Variants in UBOX5 observed in about 807,000 individuals in gnomAD.
UBOX5 encodes the protein U-box domain containing 5, also known as RING finger protein 37.
Under a neutral mutation model 39.0 loss-of-function variants are expected in UBOX5, and 28 were observed. The ratio of observed to expected loss-of-function variants is 0.72; its 90% CI spans 0.53 to 0.98. The LOEUF (loss-of-function observed/expected upper bound fraction) is 0.98, where lower values mean the gene tolerates loss of function less well. Among genes scored for constraint, UBOX5 ranks in the 50% least tolerant of loss-of-function variants. The probability of loss-of-function intolerance (pLI) is 0.00; values close to 1 mark genes in which losing one functional copy is unlikely to be tolerated. For missense variants in UBOX5, 585 were observed against 674.4 expected, an observed-to-expected ratio of 0.87 and a Z score of 1.47; for synonymous variants, 283 against 275.5, an observed-to-expected ratio of 1.03 and a Z score of -0.27.
At chr20:3,142,528 C>T (rs1476543577) in intron 1 of UBOX5, among the ~76,000 whole-genome samples, 1 of 147,496 alleles carries the variant, frequency 6.8e-6, no homozygotes, top group Non-Finnish European at 1.5e-5. Flanking sequence ...CTCTTGAACC[C>T]GGGAGGTGGA....
intron 1 of UBOX5, chr20:3,151,594 C>T (rs988439902): frequency 6.6e-6 from 1 of 150,390 alleles, no homozygotes; most frequent in African/African-American, 2.5e-5. Context: ...TTGAGACCAG[C>T]CTGAACAACA....
rs1236343306 is a variant in UBOX5, at chr20:3,108,887, T to C, written c.*1219A>G. ...GTTCGAGGCTGCAATGAGTTATGAT[T>C]GCACCACTGCCCTCAAGCTTGGGCA... On this transcript the variant is annotated 3_prime_UTR_variant, in exon 5 of 5. Transcript: ENST00000217173. 1 of 150,196 alleles carries C rather than the reference T, an allele frequency of 6.7e-6. No homozygotes were observed. The highest frequency in any genetic ancestry group is 2.5e-5 in the African/African-American group (1 of 40,728). The allele number at this position is 150,196 out of a possible 1,614,324, so 9.3% of individuals were successfully genotyped here. A position where few individuals can be genotyped will look rare whatever the true frequency, so the allele number is the denominator to read the frequency against.
chr20:3,148,864 C>G, intron 1 of UBOX5: 1 of 1,614,174 alleles, frequency 6.2e-7, no homozygotes, highest in Non-Finnish European at 8.5e-7. Flanking sequence ...TGCTGGTTGT[C>G]AGGATTCTCC....
Position 3,122,181 on chromosome 20 carries a change from G to A in UBOX5, c.458C>T (p.Ala153Val), listed in dbSNP as rs768284618. The A allele has an allele frequency of 3.1e-6, 5 of 1,614,112 alleles. No individual in the cohort carries two copies. The Admixed American group carries it at 8.3e-5, about 27-fold the overall frequency. Reference protein sequence around the residue: ...GAMEATLPSPAVVAQELWNKG... With the variant: ...GAMEATLPSPVVVAQELWNKG... ...ATTCCAGAGCTCCTGGGCCACAACA[G>A]CAGGGGAGGGGAGTGTGGCTTCCAT... The change falls in exon 3 of 5, where the codon GCT (alanine) becomes GTT (valine). Residue 153 changes from alanine to valine, a missense_variant. Coordinates refer to ENST00000217173, the MANE Select transcript of UBOX5 (RefSeq NM_014948.4).
intron 1 of UBOX5, chr20:3,146,913 T>C (rs1434866455): frequency 1.9e-6 from 3 of 1,614,072 alleles, no homozygotes; most frequent in South Asian, 1.1e-5. Flanking sequence ...CGCCTCTTCA[T>C]ATTGTGCAGT....
chr20:3,121,170 T>C (rs778616427), intron 3 of UBOX5, among the ~76,000 whole-genome samples: 7 of 152,086 alleles, frequency 4.6e-5, no homozygotes, highest in Non-Finnish European at 7.3e-5. Flanking sequence ...CAGATGAGAA[T>C]AGACGAGAAC....
At chr20:3,146,045 C>CA (rs58783186) in intron 1 of UBOX5, among the ~76,000 whole-genome samples, 17,951 of 102,120 alleles carry the variant, frequency 0.18, 1,214 homozygotes, top group Middle Eastern at 0.31. Context: ...GACTCCGTCT[C>CA]AAAAAAAAAA....
chr20:3,110,160 G>A lies in UBOX5; in HGVS notation c.1572C>T (p.Cys524=). ...GEKQRSLPMT[C]TACQRPVASQ... ...TAGCAACCGGCCGCTGGCAGGCTGT[G>A]CACGTCATGGGCAGGGAGCGTTGCT... The change falls in exon 5 of 5, where the codon TGC becomes TGT. Residue 524 remains cysteine, a synonymous_variant. Coordinates refer to ENST00000217173, the MANE Select transcript of UBOX5 (RefSeq NM_014948.4). The A allele has an allele frequency of 6.2e-7, 1 of 1,613,376 alleles. No homozygotes were observed. Among genetic ancestry groups the A allele is most frequent in the Non-Finnish European group, 8.5e-7 (1 of 1,180,044 alleles).
chr20:3,132,609 A>T (rs554791397), intron 1 of UBOX5, among the ~76,000 whole-genome samples: 1 of 152,150 alleles, frequency 6.6e-6, no homozygotes, highest in Non-Finnish European at 1.5e-5. Context: ...ACTTGAGGTC[A>T]GGAGTTCGAG....
intron 1 of UBOX5, chr20:3,156,715 A>G (rs2066690154): frequency 6.6e-6 from 1 of 152,242 alleles, no homozygotes; most frequent in Non-Finnish European, 1.5e-5. Context: ...GTCTGAGCAG[A>G]GCCGAATAGC....
intron 1 of UBOX5, chr20:3,151,662 T>A (rs941401114): frequency 7.9e-5 from 12 of 151,614 alleles, no homozygotes; most frequent in African/African-American, 2.7e-4. Flanking sequence ...AAATAAAAAA[T>A]TTTAATTAAA....
chr20:3,141,339 C>G (rs78533400), intron 1 of UBOX5, among the ~76,000 whole-genome samples: 2,850 of 152,130 alleles, frequency 0.019, 35 homozygotes, highest in Middle Eastern at 0.071. Flanking sequence ...GAACAATCAG[C>G]AAACTAGGAA....
intron 1 of UBOX5, among the ~76,000 whole-genome samples, chr20:3,124,746 G>GTCTCGGAA (rs2066365631): frequency 1.4e-5 from 2 of 141,044 alleles, no homozygotes; most frequent in African/African-American, 5.3e-5. Context: ...CTGTCTGGGA[G>GTCTCGGAA]GTGAGGAGCG....
intron 3 of UBOX5, among the ~76,000 whole-genome samples, chr20:3,120,413 C>T (rs1025112139): frequency 1.4e-5 from 2 of 145,900 alleles, no homozygotes; most frequent in African/African-American, 5.1e-5. Flanking sequence ...CTTTGGGAGG[C>T]CAAGGTGGGT....
chr20:3,159,445 C>T (rs954522883), intron 1 of UBOX5, among the ~76,000 whole-genome samples: 4 of 152,222 alleles, frequency 2.6e-5, no homozygotes, highest in Admixed American at 2.0e-4. Context: ...AGAGGCGCGG[C>T]AGAATATCTG....
intron 3 of UBOX5, among the ~76,000 whole-genome samples, chr20:3,118,042 C>T (rs1057207951): frequency 2.0e-5 from 3 of 152,042 alleles, no homozygotes; most frequent in African/African-American, 7.2e-5. Flanking sequence ...TGCTGTGCGC[C>T]TGTAGTCTTG....
intron 4 of UBOX5, among the ~76,000 whole-genome samples, chr20:3,111,094 A>G (rs2066250603): frequency 6.6e-6 from 1 of 152,084 alleles, no homozygotes; most frequent in Non-Finnish European, 1.5e-5. Flanking sequence ...CAACTCCTTC[A>G]GGGCATCCTT....
chr20:3,142,144 G>A (rs940240331), intron 1 of UBOX5, among the ~76,000 whole-genome samples: 1 of 150,864 alleles, frequency 6.6e-6, no homozygotes. Context: ...TGGGCAACAG[G>A]GTGAGACAGT....
chr20:3,158,436 GCA>G (rs1431791087), intron 1 of UBOX5, among the ~76,000 whole-genome samples: 1 of 152,286 alleles, frequency 6.6e-6, no homozygotes, highest in African/African-American at 2.4e-5. Context: ...ATGTTATGCA[GCA>G]CAGAGTCTTC....
Sources: allele counts gnomAD v4.1 joint callset (sites outside exome capture counted in the v4.1 genomes callset), GRCh38; gene constraint gnomAD v4.1.1; transcripts MANE v1.5; gene names NCBI Gene and HGNC (gene_info 2026-07-23, HGNC 2026-07-21).